Variants in HPSE2 observed in about 807,000 individuals in gnomAD.
HPSE2 encodes the protein heparanase 2 (inactive).
A neutral mutation model predicts 60.5 loss-of-function variants in HPSE2; 38 were observed. That is an observed-to-expected ratio of 0.63 (90% confidence interval 0.48 to 0.82). The LOEUF (loss-of-function observed/expected upper bound fraction) is 0.82, where lower values mean the gene tolerates loss of function less well. Among genes scored for constraint, HPSE2 ranks in the 40% least tolerant of loss-of-function variants. HPSE2 has a pLI of 0.00. For missense variants in HPSE2, 713 were observed against 740.4 expected (o/e 0.96, Z 0.43); for synonymous variants, 295 against 293.2 (o/e 1.01, Z -0.06).
At chr10:99,217,112 G>C (rs968276236) in intron 2 of HPSE2, among the ~76,000 whole-genome samples, 1 of 151,826 alleles carries the variant, frequency 6.6e-6, no homozygotes, top group African/African-American at 2.4e-5. Context: ...CAAAATGCAT[G>C]AGCAGCCCCT....
intron 3 of HPSE2, among the ~76,000 whole-genome samples, chr10:99,048,776 C>G (rs1241177741): frequency 6.6e-6 from 1 of 152,144 alleles, no homozygotes; most frequent in East Asian, 1.9e-4. Flanking sequence ...GACACATGTA[C>G]TTCTATGTTC....
intron 2 of HPSE2, among the ~76,000 whole-genome samples, chr10:99,185,487 T>C (rs941578173): frequency 6.6e-6 from 1 of 151,698 alleles, no homozygotes; most frequent in African/African-American, 2.4e-5. Flanking sequence ...AAAATAGAAG[T>C]GGGGCTGCCA....
chr10:98,617,765 A>G (rs1945954733), intron 8 of HPSE2, among the ~76,000 whole-genome samples: 1 of 152,204 alleles, frequency 6.6e-6, no homozygotes, highest in Non-Finnish European at 1.5e-5. Flanking sequence ...CTAAAGGTGA[A>G]TATCTACTAT....
At chr10:99,305,254 G>C in the HPSE2 span, among the ~76,000 whole-genome samples, 1 of 152,184 alleles carries the variant, frequency 6.6e-6, no homozygotes, top group Non-Finnish European at 1.5e-5. Context: ...TCATGGGGTG[G>C]AAGGCTAAAG....
At chr10:99,213,630 G>C (rs1055577660) in intron 2 of HPSE2, among the ~76,000 whole-genome samples, 13 of 151,796 alleles carry the variant, frequency 8.6e-5, no homozygotes, top group Middle Eastern at 3.4e-3. Flanking sequence ...TTGTGCTCTG[G>C]GTTCACGTTT....
intron 5 of HPSE2, among the ~76,000 whole-genome samples, 187 bp from the exon 6 acceptor site, chr10:98,694,134 G>A (rs1948150877): frequency 6.6e-6 from 1 of 152,124 alleles, no homozygotes; most frequent in Non-Finnish European, 1.5e-5. Flanking sequence ...GAAAGTGAAA[G>A]TAACCATACT....
intron 7 of HPSE2, among the ~76,000 whole-genome samples, chr10:98,638,137 CAAAAAAAA>C (rs34364786): frequency 2.0e-4 from 3 of 14,682 alleles, no homozygotes; most frequent in African/African-American, 4.1e-4. Context: ...AGACCCATCT[CAAAAAAAA>C]AAAAAAAAAA....
chr10:98,520,375 A>G (rs1274368967), intron 9 of HPSE2, among the ~76,000 whole-genome samples: 1 of 152,224 alleles, frequency 6.6e-6, no homozygotes, highest in African/African-American at 2.4e-5. Context: ...GATGCTAGAC[A>G]GGCTACAACA....
chr10:98,688,387 G>A (rs1454430672), intron 6 of HPSE2, among the ~76,000 whole-genome samples: 1 of 150,038 alleles, frequency 6.7e-6, no homozygotes, highest in African/African-American at 2.5e-5. Context: ...CATTTCCAAT[G>A]CTCTTCATTA....
intron 2 of HPSE2, among the ~76,000 whole-genome samples, chr10:99,178,275 G>A: frequency 6.6e-6 from 1 of 151,536 alleles, no homozygotes; most frequent in East Asian, 2.0e-4. Flanking sequence ...CATCACAGCA[G>A]AACTGAAGGA....
intron 2 of HPSE2, among the ~76,000 whole-genome samples, chr10:99,173,988 C>A (rs1353826045): frequency 6.8e-6 from 1 of 146,530 alleles, no homozygotes; most frequent in African/African-American, 2.6e-5. Flanking sequence ...AGAGTTATAA[C>A]CACAATTACA....
At chr10:98,618,848 A>T (rs1483357589) in intron 8 of HPSE2, among the ~76,000 whole-genome samples, 1 of 152,160 alleles carries the variant, frequency 6.6e-6, no homozygotes, top group African/African-American at 2.4e-5. Flanking sequence ...AAGTGCTGGG[A>T]TTACAGGCGT....
chr10:98,918,879 T>C (rs941082434), intron 3 of HPSE2, among the ~76,000 whole-genome samples: 1 of 152,002 alleles, frequency 6.6e-6, no homozygotes, highest in African/African-American at 2.4e-5. Flanking sequence ...AAAGACTCTG[T>C]AGTACATATT....
At chr10:98,679,555 G>GT (rs201476015) in intron 6 of HPSE2, among the ~76,000 whole-genome samples, 1,953 of 151,646 alleles carry the variant, frequency 0.013, 40 homozygotes, top group African/African-American at 0.044. Context: ...TTTCTACTGT[G>GT]TTTTTTTTAA....
At chr10:99,311,460 A>G in the HPSE2 span, among the ~76,000 whole-genome samples, 4 of 152,100 alleles carry the variant, frequency 2.6e-5, no homozygotes, top group African/African-American at 7.2e-5. Context: ...TATGATTATT[A>G]TGTTTGTTAT....
the HPSE2 span, among the ~76,000 whole-genome samples, chr10:99,301,381 G>A: frequency 1.3e-5 from 2 of 152,296 alleles, no homozygotes; most frequent in African/African-American, 2.4e-5. Flanking sequence ...GGGAAAGTGA[G>A]GGTATCAGGT....
At chr10:98,838,520 G>T (rs369092525) in intron 3 of HPSE2, among the ~76,000 whole-genome samples, 7 of 150,604 alleles carry the variant, frequency 4.6e-5, no homozygotes, top group African/African-American at 1.7e-4. Flanking sequence ...AAACTACTGG[G>T]CTCAATTGAT....
At chr10:98,513,285 T>C (rs933190049) in intron 9 of HPSE2, among the ~76,000 whole-genome samples, 2 of 152,196 alleles carry the variant, frequency 1.3e-5, no homozygotes, top group African/African-American at 4.8e-5. Context: ...AATTTTTATG[T>C]TTTCAGCCTC....
intron 3 of HPSE2, among the ~76,000 whole-genome samples, chr10:98,790,349 G>A (rs893243497): frequency 1.3e-5 from 2 of 152,098 alleles, no homozygotes; most frequent in Admixed American, 6.6e-5. Flanking sequence ...CTCAGAAGGT[G>A]GAACTGGAGG....
Sources: gnomAD v4.1 joint callset for allele counts (sites outside exome capture counted in the v4.1 genomes callset) on GRCh38, gnomAD v4.1.1 for gene constraint, MANE v1.5 for transcripts, NCBI Gene and HGNC (gene_info 2026-07-23, HGNC 2026-07-21) for gene names.